The following MCTP1 variants were observed in gnomAD, a reference collection of about 807,000 sequenced individuals.
The protein encoded by MCTP1 is multiple C2 and transmembrane domain containing 1, also known as multiple C2 and transmembrane domain-containing protein 1.
Under a neutral mutation model 120.6 loss-of-function variants are expected in MCTP1, and 69 were observed. That is an observed-to-expected ratio of 0.57 (90% CI 0.47 to 0.70). The LOEUF (loss-of-function observed/expected upper bound fraction) is 0.70, where lower values mean the gene tolerates loss of function less well. MCTP1 is among the 30% of genes least tolerant of loss of function. The pLI is 0.00. For synonymous variants in MCTP1, 529 were observed against 493.1 expected (o/e 1.07, Z -0.96); for missense variants, 1,203 against 1,248.8 (o/e 0.96, Z 0.55).
chr5:94,906,799 T>C (rs567547003), intron 10 of MCTP1, among the ~76,000 whole-genome samples: 1 of 152,282 alleles, frequency 6.6e-6, no homozygotes, highest in South Asian at 2.1e-4. Flanking sequence ...TAAAAAATGT[T>C]ACTAGCCATT....
intron 19 of MCTP1, among the ~76,000 whole-genome samples, chr5:94,721,898 A>T (rs1234083064): frequency 2.6e-5 from 4 of 151,240 alleles, no homozygotes; most frequent in African/African-American, 4.8e-5. Context: ...AAAAAAAAAA[A>T]ATATCCACAA....
chr5:95,064,052 T>A (rs972972694), intron 1 of MCTP1, among the ~76,000 whole-genome samples: 1 of 152,226 alleles, frequency 6.6e-6, no homozygotes, highest in African/African-American at 2.4e-5. Context: ...TAGCACTAAA[T>A]GCACGAATAG....
intron 17 of MCTP1, among the ~76,000 whole-genome samples, chr5:94,822,265 T>C (rs1351478708): frequency 6.6e-6 from 1 of 152,164 alleles, no homozygotes; most frequent in Non-Finnish European, 1.5e-5. Context: ...TGTGCCCATA[T>C]GTTCTCATTG....
At chr5:94,862,216 A>G (rs972814411) in intron 17 of MCTP1, among the ~76,000 whole-genome samples, 1 of 151,844 alleles carries the variant, frequency 6.6e-6, no homozygotes, top group Non-Finnish European at 1.5e-5. Flanking sequence ...CGATCATAGG[A>G]AACATGAGTT....
intron 2 of MCTP1, among the ~76,000 whole-genome samples, chr5:94,962,373 C>A (rs887534627): frequency 6.6e-6 from 1 of 151,296 alleles, no homozygotes; most frequent in South Asian, 2.1e-4. Context: ...AATTTGCTAT[C>A]GCAGAAATGT....
chr5:95,075,145 T>G (rs1292224038), intron 1 of MCTP1, among the ~76,000 whole-genome samples: 1 of 152,254 alleles, frequency 6.6e-6, no homozygotes, highest in African/African-American at 2.4e-5. Flanking sequence ...ATTTTACAGC[T>G]GGTACAACAC....
chr5:95,120,845 C>T (rs1354624816), intron 1 of MCTP1, among the ~76,000 whole-genome samples: 2 of 152,000 alleles, frequency 1.3e-5, no homozygotes, highest in East Asian at 3.9e-4. Context: ...AGCAGTCAGA[C>T]CAGAGAAAGA....
chr5:95,247,464 T>G (rs1756926179), intron 1 of MCTP1, among the ~76,000 whole-genome samples: 1 of 152,176 alleles, frequency 6.6e-6, no homozygotes, highest in Non-Finnish European at 1.5e-5. Flanking sequence ...GCTTCTCTAG[T>G]TCTTTTAATT....
intron 17 of MCTP1, among the ~76,000 whole-genome samples, chr5:94,837,154 G>C (rs972440822): frequency 2.4e-4 from 36 of 152,076 alleles, no homozygotes; most frequent in African/African-American, 8.7e-4. Flanking sequence ...AAGGTGGGAG[G>C]ATCACTTGAG....
chr5:95,123,988 G>C (rs113126656), intron 1 of MCTP1, among the ~76,000 whole-genome samples: 15 of 152,272 alleles, frequency 9.9e-5, no homozygotes, highest in African/African-American at 3.6e-4. Flanking sequence ...ATGTATCAAT[G>C]TACAAATAAG....
chr5:94,960,675 A>G (rs2153556407), intron 2 of MCTP1, among the ~76,000 whole-genome samples: 1 of 152,350 alleles, frequency 6.6e-6, no homozygotes, highest in South Asian at 2.1e-4. Context: ...AAAGCTCATC[A>G]TCACTGGTCA....
intron 1 of MCTP1, among the ~76,000 whole-genome samples, chr5:95,038,834 T>A (rs765759081): frequency 2.6e-5 from 4 of 152,220 alleles, no homozygotes; most frequent in Non-Finnish European, 5.9e-5. Context: ...CTATAAGTCA[T>A]GAGGCTTGAG....
At chr5:95,100,877 C>G (rs111478304) in intron 1 of MCTP1, among the ~76,000 whole-genome samples, 1 of 152,170 alleles carries the variant, frequency 6.6e-6, no homozygotes, top group East Asian at 1.9e-4. Flanking sequence ...ACAAAACAAA[C>G]TAACAGTTTA....
At chr5:94,728,030 C>T (rs989169822) in intron 19 of MCTP1, among the ~76,000 whole-genome samples, 1 of 152,188 alleles carries the variant, frequency 6.6e-6, no homozygotes, top group Non-Finnish European at 1.5e-5. Flanking sequence ...CTATGGGATG[C>T]TGCTGATATA....
intron 17 of MCTP1, among the ~76,000 whole-genome samples, chr5:94,841,798 G>T (rs1580980939): frequency 6.6e-6 from 1 of 152,132 alleles, no homozygotes; most frequent in Non-Finnish European, 1.5e-5. Context: ...CCATGTAAGA[G>T]AAACAGAAAT....
intron 1 of MCTP1, among the ~76,000 whole-genome samples, chr5:95,226,261 G>T (rs1441002145): frequency 1.3e-5 from 2 of 151,956 alleles, no homozygotes; most frequent in East Asian, 1.9e-4. Context: ...TTGTTTTTTG[G>T]GGGAAAGCAT....
intron 3 of MCTP1, among the ~76,000 whole-genome samples, chr5:94,952,869 T>TA (rs1387579835): frequency 6.6e-6 from 1 of 152,194 alleles, no homozygotes; most frequent in Non-Finnish European, 1.5e-5. Flanking sequence ...ATACAATTTT[T>TA]AAACAGAAAG....
chr5:94,926,928 T>A (rs766754542), intron 6 of MCTP1, among the ~76,000 whole-genome samples: 8 of 152,162 alleles, frequency 5.3e-5, no homozygotes, highest in Non-Finnish European at 1.0e-4. Flanking sequence ...GAGATTACAT[T>A]TTGTCCCTTC....
At chr5:94,828,178 G>C (rs1023211493) in intron 17 of MCTP1, among the ~76,000 whole-genome samples, 1 of 152,140 alleles carries the variant, frequency 6.6e-6, no homozygotes, top group African/African-American at 2.4e-5. Context: ...TGATGCTATT[G>C]CTTTCTATTT....
Sources: gnomAD v4.1 joint callset for allele counts (sites outside exome capture counted in the v4.1 genomes callset) on GRCh38, gnomAD v4.1.1 for gene constraint, MANE v1.5 for transcripts, NCBI Gene and HGNC (gene_info 2026-07-23, HGNC 2026-07-21) for gene names.